The following LMO7 variants were observed in gnomAD, a reference collection of about 807,000 sequenced individuals.
LMO7 encodes the protein LIM domain only protein 7.
A neutral mutation model predicts 206.5 loss-of-function variants in LMO7; 120 were observed. The observed-to-expected ratio is 0.58, with a 90% CI of 0.50 to 0.68. The LOEUF is 0.68. LMO7 is among the 30% of genes least tolerant of loss of function. LMO7 has a pLI of 0.00. For missense variants in LMO7, 1,959 were observed against 1,957.9 expected, an observed-to-expected ratio of 1.00 and a Z score of -0.01; for synonymous variants, 706 against 681.5, an observed-to-expected ratio of 1.04 and a Z score of -0.56.
intron 4 of LMO7, among the ~76,000 whole-genome samples, chr13:75,782,350 A>G (rs1426623561): frequency 2.0e-5 from 3 of 152,232 alleles, no homozygotes; most frequent in African/African-American, 7.2e-5. Context: ...CTTTTAGGTC[A>G]GATCAACTGG....
intron 1 of LMO7, among the ~76,000 whole-genome samples, chr13:75,677,329 A>G (rs900077549): frequency 5.3e-5 from 8 of 152,224 alleles, no homozygotes; most frequent in Non-Finnish European, 8.8e-5. Context: ...ACTGATATCT[A>G]TAAGTAGAAT....
At chr13:75,717,279 C>T (rs988515096) in intron 2 of LMO7, among the ~76,000 whole-genome samples, 8 of 148,498 alleles carry the variant, frequency 5.4e-5, no homozygotes, top group African/African-American at 9.9e-5. Flanking sequence ...AGGAGAATGG[C>T]GTGAACCTGG....
chr13:75,804,826 C>G (rs1357260945), intron 8 of LMO7: 4 of 1,101,046 alleles, frequency 3.6e-6, no homozygotes, highest in Non-Finnish European at 4.5e-6. Flanking sequence ...TCATGATGAG[C>G]CATGCCATGT....
chr13:75,731,555 C>A, intron 3 of LMO7, among the ~76,000 whole-genome samples: 1 of 152,108 alleles, frequency 6.6e-6, no homozygotes. Context: ...CTGAATACAG[C>A]ACACTGATGG....
chr13:75,687,667 A>G (rs906899777), intron 1 of LMO7, among the ~76,000 whole-genome samples: 6 of 152,218 alleles, frequency 3.9e-5, no homozygotes, highest in African/African-American at 1.2e-4. Context: ...GGCTTTTACA[A>G]TGTGACTGAA....
At chr13:75,712,119 G>T (rs1019470000) in intron 1 of LMO7, among the ~76,000 whole-genome samples, 1 of 152,192 alleles carries the variant, frequency 6.6e-6, no homozygotes, top group East Asian at 1.9e-4. Context: ...GATTCTAGGG[G>T]GACCGTGAAG....
At chr13:75,857,667 C>A (rs1024749793) in intron 30 of LMO7, 21 of 315,886 alleles carry the variant, frequency 6.6e-5, no homozygotes, top group Non-Finnish European at 1.1e-4. Flanking sequence ...TTCTCTCCTC[C>A]AAAACAAATA....
chr13:75,852,532 G>A (rs1207135169), intron 27 of LMO7, among the ~76,000 whole-genome samples: 1 of 152,166 alleles, frequency 6.6e-6, no homozygotes, highest in Non-Finnish European at 1.5e-5. Context: ...AAGGTTGATT[G>A]ACTATGAAAC....
In LMO7 at chr13:75,734,827, T is replaced by C. The variant is rs928882840; in HGVS notation, c.210+7729T>C. 9.9e-5 allele frequency among the ~76,000 whole-genome samples: 15 copies of C among 152,244 alleles called. 1 individual carries two copies. Among genetic ancestry groups the C allele is most frequent in the East Asian group, 3.9e-4 (2 of 5,166 alleles). On this transcript the variant is annotated intron_variant, in intron 3 of 30. Coordinates refer to ENST00000377534, the MANE Select transcript of LMO7 (RefSeq NM_001306080.2). ...GGTTTCAAATTATATAGGCCGGGTG[T>C]GGTGGCTCACGCCTTTAATCCCAGC...
chr13:75,711,403 T>A (rs1010097386), intron 1 of LMO7, among the ~76,000 whole-genome samples: 1 of 152,184 alleles, frequency 6.6e-6, no homozygotes, highest in Non-Finnish European at 1.5e-5. Flanking sequence ...CCTCTGGTAG[T>A]ATTTGGCTGT....
Position 75,836,460 on chromosome 13 carries a change from A to G in LMO7, c.3394+3A>G, listed in dbSNP as rs1341796742. 2.9e-6 allele frequency: 4 copies of G among 1,394,554 alleles called. No homozygotes were observed. The highest frequency in any genetic ancestry group is 4.0e-6 in the Non-Finnish European group (4 of 1,001,644). The allele number at this position is 1,394,554 out of a possible 1,614,324, so 86.4% of individuals were successfully genotyped here. A position where few individuals can be genotyped will look rare whatever the true frequency, so the allele number is the denominator to read the frequency against. ...AAGCAATGCTTTTGAATCAAAAGGT[A>G]AATATCACCTTTATAACTTACATTT... On this transcript the variant is annotated splice_donor_region_variant and intron_variant, in intron 19 of 30. Transcript: ENST00000377534.
At chr13:75,689,908 C>T (rs1214596342) in intron 1 of LMO7, among the ~76,000 whole-genome samples, 2 of 152,076 alleles carry the variant, frequency 1.3e-5, no homozygotes, top group African/African-American at 4.8e-5. Context: ...TCCTGTGAGT[C>T]AATACTCCTT....
intron 4 of LMO7, among the ~76,000 whole-genome samples, chr13:75,765,387 T>A (rs980081839): frequency 2.7e-5 from 4 of 150,934 alleles, no homozygotes; most frequent in Non-Finnish European, 5.9e-5. Flanking sequence ...TTTTTTTTTT[T>A]AAGCAAGCTT....
At chr13:75,807,170 T>G in intron 9 of LMO7, 2 of 273,960 alleles carry the variant, frequency 7.3e-6, no homozygotes, top group Non-Finnish European at 1.4e-5. Flanking sequence ...AGGGAGTGGC[T>G]TTTGTGTGTG....
chr13:75,797,123 C>T (rs747808743), intron 6 of LMO7, among the ~76,000 whole-genome samples: 15 of 152,274 alleles, frequency 9.9e-5, no homozygotes, highest in East Asian at 9.6e-4. Context: ...GGACTGTTCA[C>T]GCGCATGGAA....
intron 4 of LMO7, among the ~76,000 whole-genome samples, chr13:75,785,779 CAT>C (rs955050260): frequency 1.5e-4 from 23 of 152,160 alleles, no homozygotes; most frequent in African/African-American, 5.6e-4. Flanking sequence ...TGGATGAAAA[CAT>C]ATAATCAGGC....
At chr13:75,652,372 T>C (rs539970481) in intron 1 of LMO7, among the ~76,000 whole-genome samples, 1 of 152,360 alleles carries the variant, frequency 6.6e-6, no homozygotes, top group South Asian at 2.1e-4. Context: ...ACTTGCATGC[T>C]TTGCTACTTA....
Position 75,737,795 on chromosome 13 carries a change from A to AAAC in LMO7, c.210+10699_210+10700insCAA, listed in dbSNP as rs1162450164. On this transcript the variant is annotated intron_variant, in intron 3 of 30. Transcript: ENST00000377534. ...AATAAAATAAAATAAAAAAAAAAAAAAAAAAACTTTTTACTTTGAAATAAA... is the reference window on the plus strand; with the variant it reads ...AATAAAATAAAATAAAAAAAAAAAAAAACAAAAAACTTTTTACTTTGAAATAAA... Among the ~76,000 whole-genome samples the AAAC allele has an allele frequency of 8.5e-3, 1,078 of 127,008 alleles. 18 individuals are homozygous for AAAC. The highest frequency in any genetic ancestry group is 0.015 in the Non-Finnish European group (861 of 58,364). The allele number at this position is 127,008 out of a possible 152,430, so 83.3% of individuals were successfully genotyped here.
chr13:75,623,127 T>C (rs2033542458), intron 1 of LMO7: 1 of 495,522 alleles, frequency 2.0e-6, no homozygotes. Context: ...CAGCATTTAT[T>C]TATTTTGGCA....
Sources: gnomAD v4.1 joint callset for allele counts (sites outside exome capture counted in the v4.1 genomes callset) on GRCh38, gnomAD v4.1.1 for gene constraint, MANE v1.5 for transcripts, NCBI Gene and HGNC (gene_info 2026-07-23, HGNC 2026-07-21) for gene names.